The following ARHGAP39 variants were observed in gnomAD, a reference collection of about 807,000 sequenced individuals.
ARHGAP39 encodes the protein Rho GTPase activating protein 39, also known as rho GTPase-activating protein 39.
A neutral mutation model predicts 106.9 loss-of-function variants in ARHGAP39; 44 were observed. The observed-to-expected ratio is 0.41, with a 90% CI of 0.32 to 0.53. The LOEUF (loss-of-function observed/expected upper bound fraction) is 0.53. ARHGAP39 is among the 20% of genes least tolerant of loss of function. The pLI, the probability that ARHGAP39 is intolerant of heterozygous loss-of-function variation, is 0.21. For synonymous variants in ARHGAP39, 768 were observed against 693.2 expected, an observed-to-expected ratio of 1.11 and a Z score of -1.69; for missense variants, 1,496 against 1,577.3, an observed-to-expected ratio of 0.95 and a Z score of 0.87.
chr8:144,653,303 G>T (rs918780482), intron 1 of ARHGAP39, among the ~76,000 whole-genome samples: 1 of 151,942 alleles, frequency 6.6e-6, no homozygotes, highest in Non-Finnish European at 1.5e-5. Flanking sequence ...TTCTGTCTCA[G>T]AAAAATAAAT....
chr8:144,608,464 A>G (rs1179794506), intron 1 of ARHGAP39, among the ~76,000 whole-genome samples: 1 of 152,154 alleles, frequency 6.6e-6, no homozygotes, highest in East Asian at 1.9e-4. Flanking sequence ...ACCTCTCAGG[A>G]AGCTTCCTCC....
At chr8:144,583,683 G>A (rs1177219517) in intron 2 of ARHGAP39, among the ~76,000 whole-genome samples, 2 of 152,234 alleles carry the variant, frequency 1.3e-5, no homozygotes, top group Admixed American at 6.5e-5. Flanking sequence ...AGAGTCACAC[G>A]ATCAAGAATT....
rs912853553 is a variant in ARHGAP39, at chr8:144,619,460, G to A, written c.-81-13765C>T. 8.4e-4 allele frequency among the ~76,000 whole-genome samples: 127 copies of A among 151,982 alleles called. 1 individual carries two copies. The highest frequency in any genetic ancestry group is 5.3e-4 in the African/African-American group (22 of 41,350). ...TGAGACAGCAGGTATGCTCGTGTGC[G>A]CGTGAGCTCGTGTGTCCCTGAGAGA... On this transcript the variant is annotated intron_variant, in intron 1 of 11. Transcript: ENST00000377307.
At chr8:144,669,376 G>A (rs1344689680) in intron 1 of ARHGAP39, among the ~76,000 whole-genome samples, 11 of 128,778 alleles carry the variant, frequency 8.5e-5, no homozygotes, top group African/African-American at 3.2e-4. Context: ...GCGTGGTGGC[G>A]GGCGCCTGTA....
intron 2 of ARHGAP39, among the ~76,000 whole-genome samples, chr8:144,590,475 G>A (rs540618117): frequency 2.0e-5 from 3 of 152,268 alleles, no homozygotes; most frequent in South Asian, 4.1e-4. Flanking sequence ...CCCCTGCCCC[G>A]TGCTCCTGCT....
intron 6 of ARHGAP39, among the ~76,000 whole-genome samples, chr8:144,541,186 G>C (rs1817177093): frequency 6.6e-6 from 1 of 152,158 alleles, no homozygotes; most frequent in African/African-American, 2.4e-5. Context: ...CCAATCCTTT[G>C]TTTCCAGCTT....
intron 5 of ARHGAP39, among the ~76,000 whole-genome samples, chr8:144,546,418 C>G (rs1034898962): frequency 2.6e-5 from 4 of 152,172 alleles, no homozygotes; most frequent in African/African-American, 7.2e-5. Context: ...ACCCTGGAGA[C>G]CACGAAGGCC....
upstream of ARHGAP39, among the ~76,000 whole-genome samples, chr8:144,685,886 G>T (rs1035296075): frequency 3.0e-4 from 45 of 149,484 alleles, 1 homozygote; most frequent in African/African-American, 1.1e-3. Context: ...GCAACCCCCC[G>T]CCTCCGGCTC....
At chr8:144,576,795 C>CATTGTTTTAACATGTTAAAA (rs1283793416) in intron 3 of ARHGAP39, among the ~76,000 whole-genome samples, 12 of 152,136 alleles carry the variant, frequency 7.9e-5, no homozygotes, top group African/African-American at 2.9e-4. Context: ...AATGTTAACG[C>CATTGTTTTAACATGTTAAAA]CAAGTCCGCT....
chr8:144,537,112 G>A (rs1816987409), intron 7 of ARHGAP39, among the ~76,000 whole-genome samples: 2 of 152,148 alleles, frequency 1.3e-5, no homozygotes, highest in Admixed American at 6.5e-5. Flanking sequence ...CACAGCCCTG[G>A]GTTCACAGGG....
chr8:144,589,288 T>C (rs1004456063), intron 2 of ARHGAP39, among the ~76,000 whole-genome samples: 1 of 152,168 alleles, frequency 6.6e-6, no homozygotes, highest in African/African-American at 2.4e-5. Context: ...CTCTATAAAT[T>C]ATATAAGTAG....
At chr8:144,597,679 G>A (rs964975448) in intron 2 of ARHGAP39, among the ~76,000 whole-genome samples, 1 of 152,190 alleles carries the variant, frequency 6.6e-6, no homozygotes. Context: ...AATGGGAAAG[G>A]CAAAACTTTA....
chr8:144,580,017 C>T (rs1389967997), intron 3 of ARHGAP39, among the ~76,000 whole-genome samples: 3 of 152,036 alleles, frequency 2.0e-5, no homozygotes, highest in Non-Finnish European at 2.9e-5. Flanking sequence ...GGCCTGCCGC[C>T]TGCCTCAGCC....
chr8:144,689,282 G>A (rs2129802736), upstream of ARHGAP39, among the ~76,000 whole-genome samples: 1 of 151,980 alleles, frequency 6.6e-6, no homozygotes, highest in South Asian at 2.1e-4. Context: ...TTTTTAAGAA[G>A]CCATCACACC....
chr8:144,592,764 G>A (rs533827553), intron 2 of ARHGAP39, among the ~76,000 whole-genome samples: 3 of 152,316 alleles, frequency 2.0e-5, no homozygotes, highest in Admixed American at 6.5e-5. Flanking sequence ...TCAGAGAAAG[G>A]CACAGGCTTC....
At chr8:144,580,703 G>T (rs1219657956) in intron 3 of ARHGAP39, 143 bp downstream of exon 3, 7 of 826,728 alleles carry the variant, frequency 8.5e-6, no homozygotes, top group Non-Finnish European at 1.1e-5. Flanking sequence ...CACCATACCC[G>T]ACCTACTCCT....
chr8:144,563,105 C>A (rs1358165003), intron 3 of ARHGAP39, among the ~76,000 whole-genome samples: 7 of 152,226 alleles, frequency 4.6e-5, no homozygotes. Flanking sequence ...TGAACTACAA[C>A]TGATCATGCT....
chr8:144,662,940 C>T (rs1821871421), intron 1 of ARHGAP39, among the ~76,000 whole-genome samples: 1 of 151,404 alleles, frequency 6.6e-6, no homozygotes, highest in Admixed American at 6.6e-5. Context: ...GACTGCTCCC[C>T]ACACCCCATT....
chr8:144,619,244 G>A (rs541986974), intron 1 of ARHGAP39, among the ~76,000 whole-genome samples: 88 of 152,344 alleles, frequency 5.8e-4, no homozygotes, highest in African/African-American at 1.9e-3. Context: ...AAGCAAGCGC[G>A]GAAACAGCAT....
Sources: allele counts gnomAD v4.1 joint callset (sites outside exome capture counted in the v4.1 genomes callset), GRCh38; gene constraint gnomAD v4.1.1; transcripts MANE v1.5; gene names NCBI Gene and HGNC (gene_info 2026-07-23, HGNC 2026-07-21).